Variants in BRD10 observed in about 807,000 individuals in gnomAD.
The protein encoded by BRD10 is bromodomain containing 10.
the BRD10 span, among the ~76,000 whole-genome samples, chr9:5,930,371 A>T: frequency 0.027 from 205 of 7,728 alleles, 4 homozygotes; most frequent in Non-Finnish European, 0.057. Flanking sequence ...TAAGGAGATT[A>T]TATATATATA....
the BRD10 span, among the ~76,000 whole-genome samples, chr9:5,970,690 G>A: frequency 6.6e-6 from 1 of 152,128 alleles, no homozygotes; most frequent in African/African-American, 2.4e-5. Flanking sequence ...TACTTAATAG[G>A]AGACTTGTAT....
the BRD10 span, among the ~76,000 whole-genome samples, chr9:5,997,383 T>C: frequency 3.3e-5 from 5 of 152,260 alleles, no homozygotes; most frequent in East Asian, 1.9e-4. Flanking sequence ...ATGTTGCTTC[T>C]GCTATACTTA....
chr9:5,922,152 C>G, the BRD10 span: 1 of 1,613,980 alleles, frequency 6.2e-7, no homozygotes, highest in Non-Finnish European at 8.5e-7. Context: ...CGTGTCCTAA[C>G]AAGAATTGAC....
the BRD10 span, among the ~76,000 whole-genome samples, chr9:6,006,728 A>C: frequency 5.6e-3 from 856 of 152,354 alleles, 6 homozygotes; most frequent in Non-Finnish European, 8.0e-3. Context: ...GATGACCGAC[A>C]TGGGTAGTAA....
the BRD10 span, among the ~76,000 whole-genome samples, chr9:6,005,560 A>C: frequency 2.0e-5 from 3 of 152,180 alleles, no homozygotes; most frequent in African/African-American, 4.8e-5. Flanking sequence ...AACACCAGTA[A>C]TTCAAACCCA....
At chr9:5,904,487 G>C in the BRD10 span, among the ~76,000 whole-genome samples, 1 of 151,046 alleles carries the variant, frequency 6.6e-6, no homozygotes. Context: ...TTTTCTTTTT[G>C]AGACAGAATC....
the BRD10 span, among the ~76,000 whole-genome samples, chr9:5,931,895 G>T: frequency 6.6e-6 from 1 of 152,056 alleles, no homozygotes; most frequent in South Asian, 2.1e-4. Flanking sequence ...AACTGTTCTG[G>T]GATTGCTATT....
the BRD10 span, among the ~76,000 whole-genome samples, chr9:5,888,546 G>C: frequency 6.6e-6 from 1 of 152,222 alleles, no homozygotes; most frequent in African/African-American, 2.4e-5. Flanking sequence ...AAGCAGCAGA[G>C]ACAATTTGCA....
chr9:6,005,280 G>A, the BRD10 span, among the ~76,000 whole-genome samples: 1 of 152,142 alleles, frequency 6.6e-6, no homozygotes, highest in South Asian at 2.1e-4. Context: ...GGAGGCCGAG[G>A]CGGGCGGATC....
At chr9:5,902,629 C>T in the BRD10 span, among the ~76,000 whole-genome samples, 1 of 151,586 alleles carries the variant, frequency 6.6e-6, no homozygotes, top group Admixed American at 6.6e-5. Flanking sequence ...ACCATAGTAG[C>T]TAGGATTATA....
the BRD10 span, chr9:5,924,802 C>G: frequency 1.9e-6 from 3 of 1,555,018 alleles, no homozygotes; most frequent in Non-Finnish European, 2.6e-6. Flanking sequence ...GTATCATGAT[C>G]AGGTTGTCTT....
the BRD10 span, among the ~76,000 whole-genome samples, chr9:5,939,813 G>C: frequency 1.3e-5 from 2 of 152,302 alleles, no homozygotes; most frequent in East Asian, 3.9e-4. Context: ...TTACAGTGTA[G>C]GATGTTCAGC....
chr9:5,992,485 C>G, the BRD10 span, among the ~76,000 whole-genome samples: 1 of 152,022 alleles, frequency 6.6e-6, no homozygotes, highest in Non-Finnish European at 1.5e-5. Context: ...ATAGGGTTGT[C>G]AAATAATCAA....
chr9:5,946,603 G>A, the BRD10 span, among the ~76,000 whole-genome samples: 415 of 151,972 alleles, frequency 2.7e-3, 2 homozygotes, highest in African/African-American at 9.5e-3. Context: ...TTATGATGAC[G>A]GTGTCAAATT....
At chr9:5,905,621 A>T in the BRD10 span, among the ~76,000 whole-genome samples, 3 of 152,236 alleles carry the variant, frequency 2.0e-5, no homozygotes, top group Admixed American at 2.0e-4. Context: ...TACTGACTTC[A>T]AGTCTTAAGA....
At chr9:5,959,917 A>T in the BRD10 span, among the ~76,000 whole-genome samples, 1 of 152,126 alleles carries the variant, frequency 6.6e-6, no homozygotes, top group Non-Finnish European at 1.5e-5. Context: ...AGCTTCTAAA[A>T]CCTCAACTTT....
chr9:5,955,885 T>C, the BRD10 span, among the ~76,000 whole-genome samples: 1 of 152,158 alleles, frequency 6.6e-6, no homozygotes, highest in Non-Finnish European at 1.5e-5. Context: ...GATATCTCTA[T>C]AATACAGCTA....
At chr9:5,950,254 T>C in the BRD10 span, among the ~76,000 whole-genome samples, 1 of 152,200 alleles carries the variant, frequency 6.6e-6, no homozygotes, top group South Asian at 2.1e-4. Flanking sequence ...GATGTTTTTA[T>C]GCCATTTTTA....
At chr9:5,979,037 A>T in the BRD10 span, among the ~76,000 whole-genome samples, 1 of 152,264 alleles carries the variant, frequency 6.6e-6, no homozygotes, top group African/African-American at 2.4e-5. Context: ...ATACATATTT[A>T]ATTAAGTCAC....
Sources: allele counts gnomAD v4.1 joint callset (sites outside exome capture counted in the v4.1 genomes callset), GRCh38; gene constraint gnomAD v4.1.1; transcripts MANE v1.5; gene names NCBI Gene and HGNC (gene_info 2026-07-23, HGNC 2026-07-21).